Variants in MAGI1 observed in about 807,000 individuals in gnomAD.
MAGI1 encodes membrane associated guanylate kinase, WW and PDZ domain containing 1.
A neutral mutation model predicts 139.9 loss-of-function variants in MAGI1; 58 were observed. The ratio of observed to expected loss-of-function variants is 0.41; its 90% CI spans 0.34 to 0.52. The LOEUF is 0.52. Ranked by LOEUF, MAGI1 falls within the 20% of genes least tolerant of loss-of-function variation. The probability of loss-of-function intolerance (pLI) is 0.12; values close to 1 mark genes in which losing one functional copy is unlikely to be tolerated. For synonymous variants in MAGI1, 812 were observed against 737.9 expected, an observed-to-expected ratio of 1.10 and a Z score of -1.63; for missense variants, 1,874 against 1,901.6, an observed-to-expected ratio of 0.99 and a Z score of 0.27.
chr3:65,731,973 T>C (rs2034241438), intron 1 of MAGI1, among the ~76,000 whole-genome samples: 1 of 152,246 alleles, frequency 6.6e-6, no homozygotes, highest in Non-Finnish European at 1.5e-5. Context: ...GATATAATAC[T>C]GGGATACTGA....
chr3:65,674,072 C>CA (rs1377129542), intron 1 of MAGI1, among the ~76,000 whole-genome samples: 3 of 152,014 alleles, frequency 2.0e-5, no homozygotes, highest in East Asian at 1.9e-4. Flanking sequence ...GACTCCATCT[C>CA]AAAAAATACT....
At chr3:65,602,527 T>C (rs2082530739) in intron 2 of MAGI1, among the ~76,000 whole-genome samples, 2 of 152,204 alleles carry the variant, frequency 1.3e-5, no homozygotes, top group African/African-American at 4.8e-5. Flanking sequence ...AAGTTACCTA[T>C]AGCTGTGGGA....
In MAGI1 at chr3:65,382,055, G is replaced by A; in HGVS notation, c.2523C>T (p.His841=). Residue 841 remains histidine, a synonymous_variant, in exon 16 of 23, where the codon CAC becomes CAT. Coordinates refer to ENST00000402939, the MANE Select transcript of MAGI1 (RefSeq NM_001033057.2). ...NEPGEPIYIG[H]IVPLGAADTD... ...TATCAGCAGCACCCAGTGGTACGATGTGACCAATATAAATCTGTTGAGTAA... is the reference window on the plus strand; with the variant it reads ...TATCAGCAGCACCCAGTGGTACGATATGACCAATATAAATCTGTTGAGTAA... 6.2e-7 allele frequency: 1 copy of A among 1,611,536 alleles called. No homozygotes were observed. Among genetic ancestry groups the A allele is most frequent in the Non-Finnish European group, 8.5e-7 (1 of 1,179,048 alleles).
chr3:65,805,015 A>G (rs1303156232), intron 1 of MAGI1, among the ~76,000 whole-genome samples: 1 of 152,248 alleles, frequency 6.6e-6, no homozygotes, highest in East Asian at 1.9e-4. Flanking sequence ...ATGATTCAGG[A>G]TATAGGCATG....
intron 1 of MAGI1, among the ~76,000 whole-genome samples, chr3:66,014,198 T>G (rs2067498253): frequency 6.6e-6 from 1 of 152,192 alleles, no homozygotes; most frequent in South Asian, 2.1e-4. Context: ...TTAATAATTA[T>G]ACCAGAACAA....
At chr3:65,777,858 A>G (rs2038594734) in intron 1 of MAGI1, among the ~76,000 whole-genome samples, 1 of 152,178 alleles carries the variant, frequency 6.6e-6, no homozygotes, top group African/African-American at 2.4e-5. Flanking sequence ...AGATTAAATT[A>G]AATTATATAA....
At chr3:65,923,095 C>T (rs930202887) in intron 1 of MAGI1, among the ~76,000 whole-genome samples, 5 of 152,190 alleles carry the variant, frequency 3.3e-5, no homozygotes, top group African/African-American at 1.2e-4. Context: ...ACTCCAAGAT[C>T]CCAGGATCAC....
intron 1 of MAGI1, among the ~76,000 whole-genome samples, chr3:65,684,216 C>T (rs1319065334): frequency 6.7e-6 from 1 of 149,908 alleles, no homozygotes; most frequent in Non-Finnish European, 1.5e-5. Context: ...AATATTCAAC[C>T]TGCAACTGTA....
At chr3:65,543,029 T>C (rs1016341022) in intron 2 of MAGI1, among the ~76,000 whole-genome samples, 1 of 151,484 alleles carries the variant, frequency 6.6e-6, no homozygotes, top group African/African-American at 2.4e-5. Context: ...ATCCAGAATC[T>C]ACAAGGAACT....
At chr3:65,746,601 C>T (rs1056247380) in intron 1 of MAGI1, among the ~76,000 whole-genome samples, 1 of 152,098 alleles carries the variant, frequency 6.6e-6, no homozygotes, top group African/African-American at 2.4e-5. Context: ...CCGTCCTCTT[C>T]TTGGGTATCT....
At chr3:65,521,101 T>C (rs2078132810) in intron 2 of MAGI1, among the ~76,000 whole-genome samples, 1 of 152,172 alleles carries the variant, frequency 6.6e-6, no homozygotes, top group African/African-American at 2.4e-5. Context: ...ATGTAATATG[T>C]ACCACAGACA....
chr3:65,470,237 AAAAG>A (rs1950478731), intron 5 of MAGI1, 42 bp downstream of exon 5: 1 of 1,385,098 alleles, frequency 7.2e-7, no homozygotes, highest in Non-Finnish European at 1.0e-6. Context: ...GAAGGAAGGG[AAAAG>A]AAAGAGAGAG....
chr3:65,557,384 A>C (rs1055296421), intron 2 of MAGI1, among the ~76,000 whole-genome samples: 15 of 152,210 alleles, frequency 9.9e-5, no homozygotes, highest in Admixed American at 6.5e-5. Context: ...ATCAAAGTCC[A>C]TCCTTCAGCC....
chr3:66,027,924 A>C (rs187160607), intron 1 of MAGI1, among the ~76,000 whole-genome samples: 1 of 152,318 alleles, frequency 6.6e-6, no homozygotes, highest in Non-Finnish European at 1.5e-5. Context: ...AGACGTTGCC[A>C]AATGTCCCCT....
chr3:66,035,270 T>A (rs1339564734), intron 1 of MAGI1, among the ~76,000 whole-genome samples: 1 of 151,786 alleles, frequency 6.6e-6, no homozygotes, highest in Non-Finnish European at 1.5e-5. Context: ...TCCAGAGAAC[T>A]GCCATGAAGT....
At chr3:65,993,960 C>A (rs1210211320) in intron 1 of MAGI1, among the ~76,000 whole-genome samples, 6 of 152,052 alleles carry the variant, frequency 3.9e-5, no homozygotes, top group Non-Finnish European at 8.8e-5. Flanking sequence ...GAGGACAACC[C>A]ACAGCCATGA....
chr3:65,536,005 C>G (rs1269653754), intron 2 of MAGI1, among the ~76,000 whole-genome samples: 2 of 152,140 alleles, frequency 1.3e-5, no homozygotes, highest in Non-Finnish European at 2.9e-5. Context: ...GAACTGAAAA[C>G]AAATGGAGAA....
chr3:65,523,624 G>A (rs1406011055), intron 2 of MAGI1, among the ~76,000 whole-genome samples: 1 of 152,132 alleles, frequency 6.6e-6, no homozygotes, highest in African/African-American at 2.4e-5. Flanking sequence ...CACAGATTAA[G>A]AGAATTTCAA....
At chr3:65,423,283 G>A (rs1446318496) in intron 12 of MAGI1, among the ~76,000 whole-genome samples, 1 of 152,130 alleles carries the variant, frequency 6.6e-6, no homozygotes, top group East Asian at 1.9e-4. Context: ...GAGGAGAAGT[G>A]CCTGATCACT....
Sources: gnomAD v4.1 joint callset for allele counts (sites outside exome capture counted in the v4.1 genomes callset) on GRCh38, gnomAD v4.1.1 for gene constraint, MANE v1.5 for transcripts, NCBI Gene and HGNC (gene_info 2026-07-23, HGNC 2026-07-21) for gene names.